Variants in ANKIB1 observed in about 807,000 individuals in gnomAD.
ANKIB1 encodes ankyrin repeat and IBR domain containing 1, also known as ankyrin repeat and IBR domain-containing protein 1.
Under a neutral mutation model 122.1 loss-of-function variants are expected in ANKIB1, and 43 were observed. That is an observed-to-expected ratio of 0.35 (90% CI 0.28 to 0.45). ANKIB1 has a LOEUF of 0.45. ANKIB1 is among the 20% of genes least tolerant of loss of function. The probability of loss-of-function intolerance (pLI) is 1.00; values close to 1 mark genes in which losing one functional copy is unlikely to be tolerated. For missense variants in ANKIB1, 992 were observed against 1,329.5 expected (o/e 0.75, Z 3.95); for synonymous variants, 390 against 442.0 (o/e 0.88, Z 1.48).
rs1256903496 is a variant in ANKIB1 at position 92,398,886 on chromosome 7, A to G, written c.3207A>G (p.Ser1069=). 1 of 1,605,246 alleles carries G rather than the reference A, an allele frequency of 6.2e-7. No homozygotes were observed. The highest frequency in any genetic ancestry group is 8.5e-7 in the Non-Finnish European group (1 of 1,175,608). ...GNEAANRGDG[S]DVSSQTPQTS... Reference sequence around the variant, plus strand: ...AGGCAGCCAACAGAGGAGATGGTTCAGATGTTTCAAGTCAAACACCTCAAA... The same window carrying G: ...AGGCAGCCAACAGAGGAGATGGTTCGGATGTTTCAAGTCAAACACCTCAAA... Residue 1069 remains serine (S), a synonymous_variant, in exon 20 of 20, where the codon TCA becomes TCG. Transcript: ENST00000265742.
At chr7:92,283,817 C>G (rs138195075) in intron 1 of ANKIB1, among the ~76,000 whole-genome samples, 1 of 152,302 alleles carries the variant, frequency 6.6e-6, no homozygotes, top group Admixed American at 6.5e-5. Context: ...GTTTCCCAGG[C>G]TGGAGTGCAG....
chr7:92,363,735 T>C (rs971822026), intron 10 of ANKIB1, among the ~76,000 whole-genome samples: 9 of 152,208 alleles, frequency 5.9e-5, no homozygotes, highest in African/African-American at 2.2e-4. Flanking sequence ...AGGCTTGTAT[T>C]ATATCAGGGG....
intron 5 of ANKIB1, among the ~76,000 whole-genome samples, chr7:92,328,839 ATCAT>A (rs1410981640): frequency 6.6e-6 from 1 of 150,956 alleles, no homozygotes; most frequent in Non-Finnish European, 1.5e-5. Flanking sequence ...TCCCTATTTT[ATCAT>A]TCATTGATCA....
chr7:92,357,745 AAAAAG>A (rs1342240773), intron 9 of ANKIB1, among the ~76,000 whole-genome samples: 18 of 143,202 alleles, frequency 1.3e-4, no homozygotes, highest in African/African-American at 4.8e-4. Flanking sequence ...AAAAAAAAAA[AAAAAG>A]AAAAAGAAAA....
At chr7:92,291,349 G>C (rs997743596) in intron 1 of ANKIB1, among the ~76,000 whole-genome samples, 1 of 151,920 alleles carries the variant, frequency 6.6e-6, no homozygotes, top group South Asian at 2.1e-4. Flanking sequence ...ACAAATGCTT[G>C]AGGTGGTGGA....
At chr7:92,388,193 A>G (rs1402434970) in intron 14 of ANKIB1, among the ~76,000 whole-genome samples, 152 bp downstream of exon 14, 3 of 152,220 alleles carry the variant, frequency 2.0e-5, no homozygotes, top group African/African-American at 7.2e-5. Context: ...AGTGCAGCTT[A>G]GCAGATGAGG....
Position 92,387,827 on chromosome 7 carries a change from A to G in ANKIB1, c.1782A>G (p.Glu594=). The G allele has an allele frequency of 6.2e-7, 1 of 1,611,560 alleles. No individual in the cohort carries two copies. The highest frequency in any genetic ancestry group is 8.5e-7 in the Non-Finnish European group (1 of 1,179,224). The change falls in exon 13 of 20, where the codon GAA becomes GAG. Residue 594 remains glutamate (E), a synonymous_variant. Transcript: ENST00000265742. ...EAEKKHKRFQ[E]LDRFMHYYTR... ...AGAAAAAACACAAACGATTTCAGGAACTTGACAGATTTATGCACTATTATA... is the reference window on the plus strand; with the variant it reads ...AGAAAAAACACAAACGATTTCAGGAGCTTGACAGATTTATGCACTATTATA...
intron 1 of ANKIB1, among the ~76,000 whole-genome samples, chr7:92,268,971 T>A (rs1338958019): frequency 1.3e-5 from 2 of 152,260 alleles, no homozygotes; most frequent in Non-Finnish European, 2.9e-5. Context: ...TACTCTAAAG[T>A]ATAAATTATT....
intron 1 of ANKIB1, among the ~76,000 whole-genome samples, chr7:92,264,604 G>A (rs1012572622): frequency 2.6e-5 from 4 of 152,090 alleles, no homozygotes; most frequent in Admixed American, 1.3e-4. Flanking sequence ...TAAAGACAGG[G>A]TTTCTCCACA....
chr7:92,372,887 T>C (rs761151951), intron 11 of ANKIB1, among the ~76,000 whole-genome samples: 2 of 152,098 alleles, frequency 1.3e-5, no homozygotes, highest in Non-Finnish European at 2.9e-5. Flanking sequence ...GAGGAAAGTG[T>C]ATTTTTTTTT....
chr7:92,382,140 C>G (rs929592066), intron 11 of ANKIB1, among the ~76,000 whole-genome samples: 1 of 150,274 alleles, frequency 6.7e-6, no homozygotes, highest in Admixed American at 6.6e-5. Context: ...TCAAAAGAGA[C>G]AAGGCCATTA....
intron 9 of ANKIB1, among the ~76,000 whole-genome samples, chr7:92,358,357 T>C (rs939253076): frequency 6.6e-6 from 1 of 152,206 alleles, no homozygotes; most frequent in African/African-American, 2.4e-5. Flanking sequence ...CATTGGAAAC[T>C]GTACCAACCA....
At chr7:92,269,688 A>C (rs931795035) in intron 1 of ANKIB1, among the ~76,000 whole-genome samples, 1 of 152,102 alleles carries the variant, frequency 6.6e-6, no homozygotes, top group Non-Finnish European at 1.5e-5. Context: ...AGCAGGCATC[A>C]CCTAAAATAT....
Position 92,391,291 on chromosome 7 carries a change from A to G in ANKIB1, c.2178A>G (p.Ala726=), listed in dbSNP as rs1338035803. The change falls in exon 16 of 20, where the codon GCA becomes GCG. Residue 726 remains alanine (A), a synonymous_variant. Transcript: ENST00000265742. ...AGCAGAAGAGGCAAGAATTCCTGGC[A>G]TCTGTGGCTCGGGGAGTAGCTCCTG... ...LVQQKRQEFL[A]SVARGVAPAD... 6 of 1,613,618 alleles carry G rather than the reference A, an allele frequency of 3.7e-6. No homozygotes were observed. The highest frequency in any genetic ancestry group is 5.1e-6 in the Non-Finnish European group (6 of 1,179,668).
At chr7:92,369,617 G>C (rs1474044889) in intron 10 of ANKIB1, among the ~76,000 whole-genome samples, 3 of 152,046 alleles carry the variant, frequency 2.0e-5, no homozygotes. Context: ...AACTGCAAGG[G>C]GTCTGATTTC....
Position 92,396,482 on chromosome 7 carries a change from T to G in ANKIB1, c.2395+6T>G. On this transcript the variant is annotated splice_donor_region_variant and intron_variant, in intron 18 of 19. Coordinates refer to ENST00000265742, the MANE Select transcript of ANKIB1 (RefSeq NM_019004.2). Reference sequence around the variant, plus strand: ...GCCAAGTGAAAGCACTTTAGGTAAGTCCTTGCATTGAGTATGGTTTAATCT... The same window carrying G: ...GCCAAGTGAAAGCACTTTAGGTAAGGCCTTGCATTGAGTATGGTTTAATCT... The G allele has an allele frequency of 7.1e-7, 1 of 1,406,796 alleles. No homozygotes were observed. The highest frequency in any genetic ancestry group is 1.9e-5 in the Admixed American group (1 of 52,292). The allele number at this position is 1,406,796 out of a possible 1,614,324, so 87.1% of individuals were successfully genotyped here. A position where few individuals can be genotyped will look rare whatever the true frequency, so the allele number is the denominator to read the frequency against.
At chr7:92,377,745 T>G (rs550721821) in intron 11 of ANKIB1, among the ~76,000 whole-genome samples, 1 of 152,316 alleles carries the variant, frequency 6.6e-6, no homozygotes, top group African/African-American at 2.4e-5. Context: ...GAAAGTATTA[T>G]TTATTAAAAC....
intron 9 of ANKIB1, among the ~76,000 whole-genome samples, chr7:92,355,814 A>C (rs2115577665): frequency 1.3e-5 from 2 of 151,056 alleles, no homozygotes; most frequent in Admixed American, 1.3e-4. Context: ...AAGCCACTGC[A>C]CTCCAGCCCA....
chr7:92,261,390 G>GTTTGT (rs3041533), intron 1 of ANKIB1, among the ~76,000 whole-genome samples: 16,230 of 144,998 alleles, frequency 0.11, 1,297 homozygotes, highest in East Asian at 0.5. Context: ...TATGTTTTTT[G>GTTTGT]TTTGTTTTGT....
Sources: allele counts gnomAD v4.1 joint callset (sites outside exome capture counted in the v4.1 genomes callset), GRCh38; gene constraint gnomAD v4.1.1; transcripts MANE v1.5; gene names NCBI Gene and HGNC (gene_info 2026-07-23, HGNC 2026-07-21).